EPHA6: variants seen among roughly 807,000 people sequenced by gnomAD.
EPHA6 encodes the protein ephrin type-A receptor 6.
In EPHA6, 50 loss-of-function variants were observed where a neutral mutation model predicts 112.0. That is an observed-to-expected ratio of 0.45 (90% CI 0.36 to 0.56). The LOEUF is 0.56. EPHA6 is among the 20% of genes least tolerant of loss of function. The pLI, the probability that EPHA6 is intolerant of heterozygous loss-of-function variation, is 0.00. For missense variants in EPHA6, 1,280 were observed against 1,417.4 expected, an observed-to-expected ratio of 0.90 and a Z score of 1.56; for synonymous variants, 529 against 490.7, an observed-to-expected ratio of 1.08 and a Z score of -1.03.
At chr3:97,126,691 A>G (rs1441591544) in intron 3 of EPHA6, among the ~76,000 whole-genome samples, 1 of 149,256 alleles carries the variant, frequency 6.7e-6, no homozygotes, top group Non-Finnish European at 1.5e-5. Flanking sequence ...CTAAGGAATG[A>G]TGGAAACTTA....
chr3:96,987,919 A>G lies in EPHA6; in HGVS notation c.1040A>G (p.Asp347Gly), dbSNP rs1298978871. The change falls in exon 3 of 18, where the codon GAT (aspartate) becomes GGT (glycine). Residue 347 changes from aspartate to glycine, a missense_variant. Physicochemically the swap from Asp to Gly is moderately conservative, Grantham distance 94. Around this residue, in one of 4 missense-constraint regions of EPHA6, gnomAD observed 878 missense variants for 999.7 expected, o/e 0.88. Transcript: ENST00000389672. ...ACTCCTAAACTGTATTGTGGAGCTGATGGAGATTGGCTGGTTCCTCTTGGA... is the reference window on the plus strand; with the variant it reads ...ACTCCTAAACTGTATTGTGGAGCTGGTGGAGATTGGCTGGTTCCTCTTGGA... The part of the protein sequence containing the change: ...RDTPKLYCGA[D>G]GDWLVPLGRC... 8.7e-6 allele frequency: 14 copies of G among 1,613,664 alleles called. No homozygotes were observed. The highest frequency in any genetic ancestry group is 1.0e-5 in the Non-Finnish European group (12 of 1,179,768).
intron 3 of EPHA6, among the ~76,000 whole-genome samples, chr3:97,037,192 G>A (rs2045133057): frequency 6.6e-6 from 1 of 151,972 alleles, no homozygotes; most frequent in Non-Finnish European, 1.5e-5. Context: ...TACAAACATG[G>A]TCTTTGCCTT....
rs570363484 is a variant in EPHA6, at chr3:97,575,618, G to A, written c.2387-16994G>A. ...TGTCATTGTTCTAAGTTGTTTAAAT[G>A]TTAATAACGATAGTTTGTGTATTAT... On this transcript the variant is annotated intron_variant, in intron 11 of 17. Coordinates refer to ENST00000389672, the MANE Select transcript of EPHA6 (RefSeq NM_001080448.3). Among the ~76,000 whole-genome samples, 4 of 152,294 alleles carry A rather than the reference G, an allele frequency of 2.6e-5. No individual in the cohort carries two copies. The South Asian group carries it at 8.3e-4, about 32-fold the overall frequency.
intron 2 of EPHA6, among the ~76,000 whole-genome samples, chr3:96,974,638 T>C (rs1469154106): frequency 2.0e-5 from 3 of 152,164 alleles, no homozygotes; most frequent in African/African-American, 7.2e-5. Flanking sequence ...TCTATTCTTA[T>C]GTCCTGGATA....
intron 2 of EPHA6, among the ~76,000 whole-genome samples, chr3:96,931,436 C>G (rs1459173566): frequency 1.3e-5 from 2 of 151,816 alleles, no homozygotes; most frequent in Non-Finnish European, 2.9e-5. Flanking sequence ...CCCAGGGACT[C>G]CATTTTAGGT....
rs1460848702 is a variant in EPHA6, at chr3:97,572,153, T to A, written c.2387-20459T>A. On this transcript the variant is annotated intron_variant, in intron 11 of 17. Transcript: ENST00000389672. Reference sequence around the variant, plus strand: ...AAAACACTGATCTCTTTTCCTTTTTTTTTTTTTTTTTTTTTGAGACGGAGT... The same window carrying A: ...AAAACACTGATCTCTTTTCCTTTTTATTTTTTTTTTTTTTTGAGACGGAGT... 3.4e-5 allele frequency among the ~76,000 whole-genome samples: 5 copies of A among 148,026 alleles called. No homozygotes were observed. The East Asian group carries it at 9.8e-4, about 29-fold the overall frequency.
At chr3:97,596,197 G>A (rs1410096746) in intron 12 of EPHA6, among the ~76,000 whole-genome samples, 2 of 151,990 alleles carry the variant, frequency 1.3e-5, no homozygotes, top group East Asian at 3.9e-4. Flanking sequence ...GAGCCACCGC[G>A]CCCGGCCATA....
chr3:97,535,461 T>C (rs1056114856), intron 11 of EPHA6, among the ~76,000 whole-genome samples: 23 of 152,030 alleles, frequency 1.5e-4, no homozygotes, highest in Non-Finnish European at 1.5e-4. Context: ...GCTACCAAGG[T>C]GGGTTGTAGA....
intron 6 of EPHA6, among the ~76,000 whole-genome samples, chr3:97,407,353 C>A (rs1369840738): frequency 6.6e-6 from 1 of 151,508 alleles, no homozygotes; most frequent in Non-Finnish European, 1.5e-5. Flanking sequence ...ATTAAACACA[C>A]ACACACACAC....
At chr3:96,933,017 A>G (rs964304038) in intron 2 of EPHA6, among the ~76,000 whole-genome samples, 43 of 152,036 alleles carry the variant, frequency 2.8e-4, no homozygotes, top group African/African-American at 4.8e-4. Flanking sequence ...CTTTGTTCCA[A>G]TGGCTTATCT....
intron 5 of EPHA6, among the ~76,000 whole-genome samples, chr3:97,340,041 T>G (rs1162637636): frequency 6.6e-6 from 1 of 152,194 alleles, no homozygotes; most frequent in East Asian, 1.9e-4. Flanking sequence ...CTAAATATTT[T>G]TTCCAGATGA....
chr3:97,196,786 A>G (rs533486593), intron 3 of EPHA6, among the ~76,000 whole-genome samples: 2 of 151,688 alleles, frequency 1.3e-5, no homozygotes, highest in Non-Finnish European at 2.9e-5. Context: ...AATTCTCTGT[A>G]TTACCAGGAA....
chr3:96,912,441 GAAA>G (rs2039265563), intron 2 of EPHA6, among the ~76,000 whole-genome samples: 2 of 152,044 alleles, frequency 1.3e-5, no homozygotes, highest in African/African-American at 4.8e-5. Flanking sequence ...GCAGTGCTGT[GAAA>G]AATACTGAGA....
intron 3 of EPHA6, among the ~76,000 whole-genome samples, chr3:97,008,614 A>C (rs2043970162): frequency 6.6e-6 from 1 of 152,152 alleles, no homozygotes; most frequent in Admixed American, 6.5e-5. Flanking sequence ...ACTTCTGTCA[A>C]TTTATCCATC....
intron 5 of EPHA6, among the ~76,000 whole-genome samples, chr3:97,383,031 A>C (rs535581688): frequency 6.6e-6 from 1 of 152,154 alleles, no homozygotes; most frequent in East Asian, 1.9e-4. Flanking sequence ...AAAAAGTGCC[A>C]CATTAATTTT....
chr3:96,901,485 T>G (rs1241505450), intron 2 of EPHA6, among the ~76,000 whole-genome samples: 2 of 150,846 alleles, frequency 1.3e-5, no homozygotes, highest in Admixed American at 6.9e-5. Context: ...GATTTTTTTT[T>G]TTTACTTGAT....
At chr3:97,562,679 G>A (rs756787633) in intron 11 of EPHA6, among the ~76,000 whole-genome samples, 2 of 152,270 alleles carry the variant, frequency 1.3e-5, no homozygotes, top group Admixed American at 6.5e-5. Context: ...AATGACTCCC[G>A]TTTTGAAAGA....
chr3:97,335,059 A>G (rs1247745707), intron 5 of EPHA6, among the ~76,000 whole-genome samples: 1 of 152,208 alleles, frequency 6.6e-6, no homozygotes, highest in Non-Finnish European at 1.5e-5. Flanking sequence ...AACAACAGAC[A>G]TGTGTTTCCA....
At chr3:97,335,984 G>T (rs546459529) in intron 5 of EPHA6, among the ~76,000 whole-genome samples, 1 of 152,080 alleles carries the variant, frequency 6.6e-6, no homozygotes, top group Non-Finnish European at 1.5e-5. Context: ...AATCTGGGTG[G>T]TGCCAACTGA....
Sources: allele counts gnomAD v4.1 joint callset (sites outside exome capture counted in the v4.1 genomes callset), GRCh38; gene constraint gnomAD v4.1.1; regional missense constraint gnomAD v4.1.1; transcripts MANE v1.5; gene names NCBI Gene and HGNC (gene_info 2026-07-23, HGNC 2026-07-21).